ANK2: variants seen among roughly 807,000 people sequenced by gnomAD.
ANK2 encodes the protein ankyrin 2.
Under a neutral mutation model 360.5 loss-of-function variants are expected in ANK2, and 83 were observed. That is an observed-to-expected ratio of 0.23 (90% confidence interval 0.19 to 0.28). The LOEUF is 0.28. ANK2 is among the 10% of genes least tolerant of loss of function. The probability of loss-of-function intolerance (pLI) is 1.00; values close to 1 mark genes in which losing one functional copy is unlikely to be tolerated. For synonymous variants in ANK2, 1,740 were observed against 1,759.5 expected (o/e 0.99, Z 0.28); for missense variants, 4,201 against 4,795.7 (o/e 0.88, Z 3.66).
At position 113,355,663 on chromosome 4, in the gene ANK2, T is replaced by C. The variant is rs1322617744; in HGVS notation, c.7045T>C (p.Cys2349Arg). 1 of 1,614,100 alleles carries C rather than the reference T, an allele frequency of 6.2e-7. No homozygotes were observed. The highest frequency in any genetic ancestry group is 2.2e-5 in the East Asian group (1 of 44,872). Reference protein sequence around the residue: ...TPTGLTEEAACDEGQRTFGSS... With the variant: ...TPTGLTEEAARDEGQRTFGSS... ...TACAGGACTGACTGAGGAGGCAGCCTGTGATGAAGGTCAACGTACCTTTGG... is the reference window on the plus strand; with the variant it reads ...TACAGGACTGACTGAGGAGGCAGCCCGTGATGAAGGTCAACGTACCTTTGG... Residue 2349 changes from cysteine to arginine, a missense_variant, in exon 38 of 46, where the codon TGT becomes CGT. Around this residue, in one of 4 missense-constraint regions of ANK2, gnomAD observed 2,642 missense variants for 2,714.5 expected, o/e 0.97. Transcript: ENST00000357077.
At position 113,282,665 on chromosome 4, in the gene ANK2, T is replaced by C; in HGVS notation, c.1882-10T>C. The C allele has an allele frequency of 1.2e-6, 2 of 1,603,056 alleles. No homozygotes were observed. Among genetic ancestry groups the C allele is most frequent in the Non-Finnish European group, 1.7e-6 (2 of 1,172,298 alleles). On this transcript the variant is annotated splice_polypyrimidine_tract_variant and intron_variant, in intron 17 of 45. Coordinates refer to ENST00000357077, the MANE Select transcript of ANK2 (RefSeq NM_001148.6). Reference sequence around the variant, plus strand: ...TCTATATGCATGTGTTTTATTTTTGTTCTTTTTAGAATGGCTATACTCCGT... The same window carrying C: ...TCTATATGCATGTGTTTTATTTTTGCTCTTTTTAGAATGGCTATACTCCGT...
intron 2 of ANK2, among the ~76,000 whole-genome samples, chr4:112,984,368 G>A (rs966339063): frequency 2.0e-5 from 3 of 152,188 alleles, no homozygotes; most frequent in East Asian, 3.8e-4. Context: ...AGAAGGCAAG[G>A]AGGAGCAAGT....
intron 14 of ANK2, among the ~76,000 whole-genome samples, chr4:113,268,137 T>C (rs889549929): frequency 6.6e-6 from 1 of 152,158 alleles, no homozygotes; most frequent in Non-Finnish European, 1.5e-5. Flanking sequence ...TTATCAGCTT[T>C]AGGAGATTTT....
intron 1 of ANK2, among the ~76,000 whole-genome samples, chr4:112,837,864 G>C (rs1342129419): frequency 1.3e-5 from 2 of 152,188 alleles, no homozygotes; most frequent in Non-Finnish European, 2.9e-5. Flanking sequence ...TGATTTTACA[G>C]GCTCATAGGC....
At chr4:113,284,228 C>T (rs1394755793) in intron 18 of ANK2, among the ~76,000 whole-genome samples, 1 of 152,188 alleles carries the variant, frequency 6.6e-6, no homozygotes, top group Non-Finnish European at 1.5e-5. Context: ...GTCCTTGTGA[C>T]TGTTGACGTC....
intron 1 of ANK2, among the ~76,000 whole-genome samples, chr4:112,819,767 C>T (rs533771280): frequency 6.6e-6 from 1 of 152,302 alleles, no homozygotes; most frequent in Non-Finnish European, 1.5e-5. Flanking sequence ...ACCCTACTTT[C>T]TCCTCCTTCC....
intron 1 of ANK2, among the ~76,000 whole-genome samples, chr4:113,170,846 G>A (rs1012174442): frequency 6.6e-6 from 1 of 152,140 alleles, no homozygotes; most frequent in Non-Finnish European, 1.5e-5. Flanking sequence ...TCACTCCAGG[G>A]TTATAAAGGG....
At chr4:112,784,794 A>G in the ANK2 span, among the ~76,000 whole-genome samples, 1 of 152,178 alleles carries the variant, frequency 6.6e-6, no homozygotes, top group African/African-American at 2.4e-5. Flanking sequence ...TGCTTTATGA[A>G]CAGATTTGAT....
In ANK2 at chr4:113,369,730, C is replaced by T. The variant is rs2154066986; in HGVS notation, c.11535C>T (p.Ser3845=). 1 of 1,614,124 alleles carries T rather than the reference C, an allele frequency of 6.2e-7. No homozygotes were observed. The highest frequency in any genetic ancestry group is 8.5e-7 in the Non-Finnish European group (1 of 1,180,026). ...AGGAGAGCTCTCCGCGGAAAACCAG[C>T]CTCGTAATAGTGGAGTCTGCCGATA... ...HREESSPRKT[S]LVIVESADNQ... The change falls in exon 43 of 46, where the codon AGC becomes AGT. Residue 3845 remains serine (S), a synonymous_variant. Transcript: ENST00000357077.
At chr4:112,742,874 G>A in the ANK2 span, among the ~76,000 whole-genome samples, 6 of 151,850 alleles carry the variant, frequency 4.0e-5, no homozygotes, top group South Asian at 2.1e-4. Context: ...ACAGGCACCC[G>A]CCACCATGCC....
chr4:113,045,024 A>G (rs1365046102), upstream of ANK2, among the ~76,000 whole-genome samples: 2 of 152,150 alleles, frequency 1.3e-5, no homozygotes, highest in Non-Finnish European at 2.9e-5. Flanking sequence ...ATTTTTTAAC[A>G]TAGTTTCTGT....
chr4:112,934,364 G>C (rs953649637), intron 2 of ANK2, among the ~76,000 whole-genome samples: 3 of 152,186 alleles, frequency 2.0e-5, no homozygotes, highest in Admixed American at 6.5e-5. Flanking sequence ...CATTCCAGCT[G>C]TCTGTGGCTT....
At position 113,277,933 on chromosome 4, in the gene ANK2, A is replaced by C; in HGVS notation, c.1780A>C (p.Lys594Gln). The change falls in exon 16 of 46, where the codon AAG (lysine) becomes CAG (glutamine). Residue 594 changes from lysine to glutamine, a missense_variant and splice_region_variant. Transcript: ENST00000357077. Reference sequence around the variant, plus strand: ...CCGTGCTGCCGCAGATTCTGCAGGGAAGGTAAAGATTTTCTATACGTTATA... The same window carrying C: ...CCGTGCTGCCGCAGATTCTGCAGGGCAGGTAAAGATTTTCTATACGTTATA... ...QRRAAADSAGKNGLTPLHVAA... is the reference protein window; with the variant it reads ...QRRAAADSAGQNGLTPLHVAA... 6.2e-7 allele frequency: 1 copy of C among 1,612,602 alleles called. No individual in the cohort carries two copies. The highest frequency in any genetic ancestry group is 8.5e-7 in the Non-Finnish European group (1 of 1,178,710).
At chr4:112,801,740 T>C in the ANK2 span, among the ~76,000 whole-genome samples, 1 of 152,126 alleles carries the variant, frequency 6.6e-6, no homozygotes, top group Non-Finnish European at 1.5e-5. Flanking sequence ...TGAGATCAGA[T>C]TGTGAGGGTA....
intron 2 of ANK2, among the ~76,000 whole-genome samples, chr4:112,995,985 G>C (rs2048368737): frequency 6.6e-6 from 1 of 152,136 alleles, no homozygotes; most frequent in South Asian, 2.1e-4. Flanking sequence ...TTCCAACATA[G>C]AGAAATAAAA....
chr4:113,323,749 T>C (rs2087878496), intron 26 of ANK2: 2 of 1,611,424 alleles, frequency 1.2e-6, no homozygotes, highest in South Asian at 2.2e-5. Flanking sequence ...AAGTATCTAT[T>C]CTGTTGCAGC....
chr4:113,284,991 G>A (rs1183909942), intron 18 of ANK2, among the ~76,000 whole-genome samples: 1 of 152,082 alleles, frequency 6.6e-6, no homozygotes, highest in Non-Finnish European at 1.5e-5. Flanking sequence ...TAATATAGAA[G>A]TGATATTATA....
intron 14 of ANK2, among the ~76,000 whole-genome samples, chr4:113,269,101 C>T (rs911039208): frequency 3.3e-5 from 5 of 152,106 alleles, no homozygotes; most frequent in African/African-American, 9.7e-5. Context: ...ACTCAAGCCT[C>T]TGTAATGGCG....
At chr4:112,729,018 G>T in the ANK2 span, among the ~76,000 whole-genome samples, 1 of 151,932 alleles carries the variant, frequency 6.6e-6, no homozygotes, top group South Asian at 2.1e-4. Context: ...ATCAACCTGG[G>T]CAATATAGTG....
Sources: gnomAD v4.1 joint callset for allele counts (sites outside exome capture counted in the v4.1 genomes callset) on GRCh38, gnomAD v4.1.1 for gene constraint, gnomAD v4.1.1 regional missense constraint, MANE v1.5 for transcripts, NCBI Gene and HGNC (gene_info 2026-07-23, HGNC 2026-07-21) for gene names.